Variants in SLC2A7 observed in about 807,000 individuals in gnomAD.
The protein encoded by SLC2A7 is solute carrier family 2 member 7, also known as solute carrier family 2, facilitated glucose transporter member 7.
Under a neutral mutation model 50.5 loss-of-function variants are expected in SLC2A7, and 50 were observed. The observed-to-expected ratio is 0.99, with a 90% CI of 0.79 to 1.25. SLC2A7 has a LOEUF of 1.25. SLC2A7 is among the 50% of genes most tolerant of loss of function. SLC2A7 has a pLI of 0.00. For synonymous variants in SLC2A7, 308 were observed against 300.4 expected, an observed-to-expected ratio of 1.03 and a Z score of -0.26; for missense variants, 683 against 679.1, an observed-to-expected ratio of 1.01 and a Z score of -0.06.
intron 3 of SLC2A7, among the ~76,000 whole-genome samples, chr1:9,020,269 C>T (rs1448700071): frequency 6.6e-6 from 1 of 152,064 alleles, no homozygotes; most frequent in Non-Finnish European, 1.5e-5. Context: ...TAGAGAGCTT[C>T]CCATCACTGG....
chr1:9,002,994 A>G lies in SLC2A7; in HGVS notation c.*306T>C, dbSNP rs55857730. ...GCAATTGTGGAACTTGAAAAGTTTT[A>G]CTTTAAAAAAGTGCATCTATACATC... On this transcript the variant is annotated 3_prime_UTR_variant, in exon 12 of 12. Transcript: ENST00000400906. Among the ~76,000 whole-genome samples, 7,257 of 152,294 alleles carry G rather than the reference A, an allele frequency of 0.048. 560 individuals carry two copies. Among genetic ancestry groups the G allele is most frequent in the African/African-American group, 0.16 (6,822 of 41,522 alleles).
At chr1:8,997,560 C>T in the SLC2A7 span, among the ~76,000 whole-genome samples, 12 of 152,044 alleles carry the variant, frequency 7.9e-5, no homozygotes, top group South Asian at 2.1e-4. Flanking sequence ...ACCACCAAGC[C>T]GGCTAATTTT....
At chr1:8,994,525 G>A in the SLC2A7 span, among the ~76,000 whole-genome samples, 49,816 of 151,888 alleles carry the variant, frequency 0.33, 8,917 homozygotes, top group East Asian at 0.66. Flanking sequence ...AATGAAACCC[G>A]ATAAACAAGC....
chr1:9,010,684 C>T (rs1243308485), intron 8 of SLC2A7, among the ~76,000 whole-genome samples: 1 of 152,204 alleles, frequency 6.6e-6, no homozygotes, highest in Non-Finnish European at 1.5e-5. Flanking sequence ...CTTACCCCTG[C>T]TGCCTGCATG....
chr1:8,992,926 C>T, the SLC2A7 span, among the ~76,000 whole-genome samples: 1 of 152,064 alleles, frequency 6.6e-6, no homozygotes, highest in Non-Finnish European at 1.5e-5. Flanking sequence ...GAAGAGAGTA[C>T]CGTGGGTAAA....
At chr1:9,000,745 G>GGTGTGTGTGTGTGTGTGT (rs56985979), downstream of SLC2A7, among the ~76,000 whole-genome samples, 66 of 142,192 alleles carry the variant, frequency 4.6e-4, no homozygotes, top group African/African-American at 1.6e-3. Flanking sequence ...TGACTTTCCT[G>GGTGTGTGTGTGTGTGTGT]GTGTGTGTGT....
chr1:9,019,405 T>C (rs1640880843), intron 3 of SLC2A7, 72 bp from the exon 4 acceptor site: 1 of 1,585,554 alleles, frequency 6.3e-7, no homozygotes, highest in South Asian at 1.2e-5. Flanking sequence ...CCAGCTCCTA[T>C]TCTGCGGGCA....
chr1:8,994,463 C>T, the SLC2A7 span, among the ~76,000 whole-genome samples: 1 of 152,092 alleles, frequency 6.6e-6, no homozygotes, highest in Non-Finnish European at 1.5e-5. Flanking sequence ...CAAAGACACG[C>T]GGGGAGAGGC....
At chr1:9,016,491 C>T (rs1640833120) in intron 5 of SLC2A7, among the ~76,000 whole-genome samples, 1 of 152,004 alleles carries the variant, frequency 6.6e-6, no homozygotes, top group South Asian at 2.1e-4. Flanking sequence ...TGCCTGTAGT[C>T]CCAGCAACTT....
At chr1:9,021,769 C>T (rs1290601161) in intron 3 of SLC2A7, among the ~76,000 whole-genome samples, 1 of 152,134 alleles carries the variant, frequency 6.6e-6, no homozygotes, top group Non-Finnish European at 1.5e-5. Flanking sequence ...CCCAGCCCTT[C>T]CTGATGACTA....
At chr1:9,023,835 C>CTTTTTTTTTTTTTTTTTTTTTTTTT (rs1557653846) in intron 2 of SLC2A7, among the ~76,000 whole-genome samples, 2 of 65,998 alleles carry the variant, frequency 3.0e-5, no homozygotes, top group African/African-American at 4.9e-5. Flanking sequence ...AAATATTCTT[C>CTTTTTTTTTTTTTTTTTTTTTTTTT]TTCTTTTTTT....
At chr1:9,009,569 A>C (rs545726572) in intron 9 of SLC2A7, among the ~76,000 whole-genome samples, 1 of 152,232 alleles carries the variant, frequency 6.6e-6, no homozygotes, top group East Asian at 1.9e-4. Context: ...TGATCCTCCC[A>C]CCTCAGCTTC....
chr1:9,017,274 C>T (rs916485368), intron 5 of SLC2A7, among the ~76,000 whole-genome samples: 4 of 152,162 alleles, frequency 2.6e-5, no homozygotes, highest in Non-Finnish European at 5.9e-5. Flanking sequence ...GAGCTGAGAT[C>T]GCGCCATTGC....
At chr1:8,994,832 A>G in the SLC2A7 span, among the ~76,000 whole-genome samples, 1 of 151,820 alleles carries the variant, frequency 6.6e-6, no homozygotes, top group Non-Finnish European at 1.5e-5. Context: ...GTTCAGTAGC[A>G]CAATCTCGGC....
chr1:9,001,666 C>T (rs1415217116), downstream of SLC2A7, among the ~76,000 whole-genome samples: 4 of 152,050 alleles, frequency 2.6e-5, no homozygotes, highest in Admixed American at 1.3e-4. Context: ...GATCTACTCG[C>T]TTCAGCCTCC....
At chr1:9,018,181 C>T (rs745648843) in intron 5 of SLC2A7, 42 bp downstream of exon 5, 81 of 1,610,634 alleles carry the variant, frequency 5.0e-5, no homozygotes, top group Admixed American at 1.0e-4. Flanking sequence ...CACAGCCGAA[C>T]GAGAGACTGG....
chr1:9,020,558 CCA>C (rs1640896799), intron 3 of SLC2A7, among the ~76,000 whole-genome samples: 4 of 145,908 alleles, frequency 2.7e-5, no homozygotes, highest in African/African-American at 1.0e-4. Context: ...GTGCCCCCCC[CCA>C]CCCCCCCGCC....
the SLC2A7 span, among the ~76,000 whole-genome samples, chr1:8,997,356 TA>T: frequency 2.0e-5 from 3 of 152,006 alleles, no homozygotes; most frequent in Non-Finnish European, 2.9e-5. Context: ...CTTTTGCCCA[TA>T]AAAAAAATTG....
chr1:8,992,675 T>C, the SLC2A7 span, among the ~76,000 whole-genome samples: 1 of 152,178 alleles, frequency 6.6e-6, no homozygotes, highest in Non-Finnish European at 1.5e-5. Context: ...AGGGAACCCA[T>C]TGTTTCACCT....
Sources: gnomAD v4.1 joint callset for allele counts (sites outside exome capture counted in the v4.1 genomes callset) on GRCh38, gnomAD v4.1.1 for gene constraint, MANE v1.5 for transcripts, NCBI Gene and HGNC (gene_info 2026-07-23, HGNC 2026-07-21) for gene names.